Variants in STPG2 observed in about 807,000 individuals in gnomAD.
The protein encoded by STPG2 is sperm tail PG-rich repeat containing 2, also known as sperm-tail PG-rich repeat-containing protein 2.
Under a neutral mutation model 54.2 loss-of-function variants are expected in STPG2, and 56 were observed. The observed-to-expected ratio is 1.03, with a 90% CI of 0.83 to 1.29. The LOEUF (loss-of-function observed/expected upper bound fraction) is 1.29, where lower values mean the gene tolerates loss of function less well. Ranked by LOEUF, STPG2 falls within the 50% of genes most tolerant of loss-of-function variation. The probability of loss-of-function intolerance (pLI) is 0.00; values close to 1 mark genes in which losing one functional copy is unlikely to be tolerated. For synonymous variants in STPG2, 200 were observed against 181.8 expected (o/e 1.10, Z -0.81); for missense variants, 596 against 544.9 (o/e 1.09, Z -0.93).
intron 7 of STPG2, among the ~76,000 whole-genome samples, chr4:97,971,995 A>C (rs1734343243): frequency 6.6e-6 from 1 of 152,032 alleles, no homozygotes; most frequent in Non-Finnish European, 1.5e-5. Flanking sequence ...GTTTAAACTT[A>C]TGTGCCTTCA....
rs530165317 is a variant in STPG2, at chr4:98,049,424, T to C, written c.612+56529A>G. Among the ~76,000 whole-genome samples, 4 of 152,334 alleles carry C rather than the reference T, an allele frequency of 2.6e-5. No individual in the cohort carries two copies. In the South Asian group the frequency reaches 8.3e-4, roughly 32 times the overall value. On this transcript the variant is annotated intron_variant, in intron 5 of 10. Coordinates refer to ENST00000295268, the MANE Select transcript of STPG2 (RefSeq NM_174952.3). ...AGAAAGCAAGGAAGGAATCAAAGATTGCTTGGTTTATGTAAAAAGAACCCA... is the reference window on the plus strand; with the variant it reads ...AGAAAGCAAGGAAGGAATCAAAGATCGCTTGGTTTATGTAAAAAGAACCCA...
intron 10 of STPG2, among the ~76,000 whole-genome samples, chr4:97,599,082 C>A (rs1197335750): frequency 5.3e-5 from 8 of 152,072 alleles, no homozygotes; most frequent in African/African-American, 1.9e-4. Context: ...AACCAAGTAA[C>A]CCCATTGAAA....
At chr4:98,049,784 C>G (rs1398254878) in intron 5 of STPG2, among the ~76,000 whole-genome samples, 1 of 152,072 alleles carries the variant, frequency 6.6e-6, no homozygotes, top group Non-Finnish European at 1.5e-5. Flanking sequence ...CATCAATGGC[C>G]ACCAATATTA....
At position 97,695,891 on chromosome 4, in the gene STPG2, T is replaced by C. The variant is rs1357040505; in HGVS notation, c.1320+16808A>G. ...TGGAAACACATTCCATGCCCATAGA[T>C]ACATAGAACCAACATTGTGAAAATG... On this transcript the variant is annotated intron_variant, in intron 10 of 10. Coordinates refer to ENST00000295268, the MANE Select transcript of STPG2 (RefSeq NM_174952.3). Among the ~76,000 whole-genome samples the C allele has an allele frequency of 2.0e-5, 3 of 151,928 alleles. No homozygotes were observed. The East Asian group carries it at 5.8e-4, about 29-fold the overall frequency.
intron 8 of STPG2, among the ~76,000 whole-genome samples, chr4:97,864,125 G>T (rs1729669975): frequency 2.6e-5 from 4 of 152,092 alleles, no homozygotes; most frequent in Admixed American, 2.6e-4. Flanking sequence ...AAGAAATAAA[G>T]GGTATTCAAT....
chr4:97,901,893 G>C (rs1286977731), intron 8 of STPG2, among the ~76,000 whole-genome samples: 7 of 152,000 alleles, frequency 4.6e-5, no homozygotes, highest in East Asian at 3.9e-4. Flanking sequence ...CAGGCATACA[G>C]ATCCTTATTT....
intron 9 of STPG2, among the ~76,000 whole-genome samples, chr4:97,726,790 T>TACACACACACATAATACAAACATACACAC (rs1056311480): frequency 4.0e-5 from 6 of 150,742 alleles, no homozygotes; most frequent in African/African-American, 1.2e-4. Context: ...GCATATATCA[T>TACACACACACATAATACAAACATACACAC]ACACACACAC....
intron 9 of STPG2, among the ~76,000 whole-genome samples, chr4:97,795,972 G>GTGTCT (rs1727161143): frequency 6.6e-6 from 1 of 152,130 alleles, no homozygotes; most frequent in Non-Finnish European, 1.5e-5. Flanking sequence ...ATTTTTTCAT[G>GTGTCT]TGTCTGTTGG....
intron 8 of STPG2, among the ~76,000 whole-genome samples, chr4:97,903,857 G>A (rs911564517): frequency 2.0e-5 from 3 of 152,150 alleles, no homozygotes; most frequent in South Asian, 2.1e-4. Flanking sequence ...CTGGAAAATC[G>A]GGTCACTCCC....
chr4:97,908,480 A>G (rs1229959437), intron 8 of STPG2, among the ~76,000 whole-genome samples: 13 of 148,588 alleles, frequency 8.7e-5, no homozygotes, highest in South Asian at 2.2e-4. Context: ...ATCTAGAACT[A>G]GAAATACCAT....
At position 97,941,377 on chromosome 4, in the gene STPG2, C is replaced by T. The variant is rs577147834; in HGVS notation, c.1044+2520G>A. ...TATGTTTTTATTCAGCTTGAAACAA[C>T]TTTCTGTTTTCTATATCAAATAATT... On this transcript the variant is annotated intron_variant, in intron 8 of 10. Transcript: ENST00000295268. Among the ~76,000 whole-genome samples the T allele has an allele frequency of 4.3e-4, 65 of 152,208 alleles. 1 individual carries two copies. Among genetic ancestry groups the T allele is most frequent in the Non-Finnish European group, 5.6e-4 (38 of 67,952 alleles).
At chr4:97,911,930 T>C (rs1035580426) in intron 8 of STPG2, among the ~76,000 whole-genome samples, 1 of 152,024 alleles carries the variant, frequency 6.6e-6, no homozygotes, top group African/African-American at 2.4e-5. Flanking sequence ...ACAGGAATAT[T>C]TGAGCTGGCA....
At chr4:97,702,187 T>C (rs922520081) in intron 10 of STPG2, among the ~76,000 whole-genome samples, 2 of 152,198 alleles carry the variant, frequency 1.3e-5, no homozygotes, top group Non-Finnish European at 2.9e-5. Context: ...GGGCCATCTT[T>C]TAATCCATAT....
At chr4:97,948,986 C>G (rs1202528495) in intron 7 of STPG2, among the ~76,000 whole-genome samples, 1 of 152,070 alleles carries the variant, frequency 6.6e-6, no homozygotes, top group Non-Finnish European at 1.5e-5. Flanking sequence ...TCTCAGTCAT[C>G]TGTATACTGC....
intron 9 of STPG2, among the ~76,000 whole-genome samples, chr4:97,815,246 G>A (rs919093827): frequency 6.6e-6 from 1 of 152,140 alleles, no homozygotes; most frequent in Non-Finnish European, 1.5e-5. Flanking sequence ...GTGTGTGCAT[G>A]CGTGTGCACA....
chr4:97,646,266 G>A (rs1252059786), intron 10 of STPG2, among the ~76,000 whole-genome samples: 2 of 152,066 alleles, frequency 1.3e-5, no homozygotes, highest in African/African-American at 4.8e-5. Context: ...CAGGAAAGTA[G>A]GATTTATTAT....
At chr4:97,546,940 G>C in intron 4 of STPG2, among the ~76,000 whole-genome samples, 1 of 152,098 alleles carries the variant, frequency 6.6e-6, no homozygotes, top group East Asian at 1.9e-4. Flanking sequence ...AATAAATATA[G>C]AAGAGACATA....
chr4:97,537,013 T>C (rs1160228272), intron 4 of STPG2, among the ~76,000 whole-genome samples: 3 of 152,324 alleles, frequency 2.0e-5, no homozygotes, highest in East Asian at 1.9e-4. Flanking sequence ...AAGTTCACTA[T>C]GGAAAACTGT....
intron 10 of STPG2, among the ~76,000 whole-genome samples, chr4:97,581,448 A>G (rs1235454680): frequency 6.6e-6 from 1 of 152,156 alleles, no homozygotes; most frequent in African/African-American, 2.4e-5. Flanking sequence ...AGAACAATGC[A>G]GAAATCATTT....
Sources: gnomAD v4.1 joint callset for allele counts (sites outside exome capture counted in the v4.1 genomes callset) on GRCh38, gnomAD v4.1.1 for gene constraint, MANE v1.5 for transcripts, NCBI Gene and HGNC (gene_info 2026-07-23, HGNC 2026-07-21) for gene names.